Variants in AP2A1 observed in about 807,000 individuals in gnomAD.
AP2A1 encodes adaptor related protein complex 2 subunit alpha 1.
Under a neutral mutation model 107.3 loss-of-function variants are expected in AP2A1, and 21 were observed. The observed-to-expected ratio is 0.20, with a 90% CI of 0.14 to 0.28. AP2A1 has a LOEUF of 0.28. AP2A1 is among the 10% of genes least tolerant of loss of function. AP2A1 has a pLI of 1.00. For missense variants in AP2A1, 873 were observed against 1,307.7 expected, an observed-to-expected ratio of 0.67 and a Z score of 5.13; for synonymous variants, 602 against 564.8, an observed-to-expected ratio of 1.07 and a Z score of -0.93.
rs1157562340 is a variant in AP2A1 at position 49,801,639 on chromosome 19, C to T, written c.1785+18C>T. ...ACGTCCTGGTCAGAGCCCTGTCCCC[C>T]CACCCCACCCCTCTTGCACACCCCC... On this transcript the variant is annotated intron_variant, in intron 13 of 22. Coordinates refer to ENST00000354293, the MANE Select transcript of AP2A1 (RefSeq NM_130787.3). The T allele has an allele frequency of 6.4e-7, 1 of 1,569,100 alleles. No homozygotes were observed. Among genetic ancestry groups the T allele is most frequent in the Non-Finnish European group, 8.7e-7 (1 of 1,155,316 alleles).
At chr19:49,806,432 C>T (rs1003635913) in intron 22 of AP2A1, 179 bp downstream of exon 22, 1 of 1,435,992 alleles carries the variant, frequency 7.0e-7, no homozygotes, top group Non-Finnish European at 9.1e-7. Context: ...TCTCCAACCT[C>T]TGGTGTTCCT....
Position 49,801,634 on chromosome 19 carries a change from T to TCCCCCCCCCCCC in AP2A1, c.1785+19_1785+20insCCCCCCCCCCCC. On this transcript the variant is annotated intron_variant, in intron 13 of 22. Transcript: ENST00000354293. ...CACCGACGTCCTGGTCAGAGCCCTG[T>TCCCCCCCCCCCC]CCCCCCACCCCACCCCTCTTGCACA... is the stretch of plus-strand genomic sequence containing the variant. 6.7e-7 allele frequency: 1 copy of TCCCCCCCCCCCC among 1,482,290 alleles called. No individual in the cohort carries two copies. The highest frequency in any genetic ancestry group is 9.3e-7 in the Non-Finnish European group (1 of 1,076,942). 91.8% of individuals were successfully genotyped at this position (1,482,290 alleles called of 1,614,324 possible).
intron 4 of AP2A1, among the ~76,000 whole-genome samples, chr19:49,789,697 G>A (rs2073118703): frequency 6.7e-6 from 1 of 149,376 alleles, no homozygotes; most frequent in Non-Finnish European, 1.5e-5. Context: ...GCCTCCCAAA[G>A]TGTTGGGATT....
chr19:49,799,871 T>G lies in AP2A1; in HGVS notation c.1273-97T>G, dbSNP rs1295746700. ...GAGGAGGGGCTGGGGCCTGGACTCCTGGGTCTCCAGATGGGGGCAGTGGTG... is the reference window on the plus strand; with the variant it reads ...GAGGAGGGGCTGGGGCCTGGACTCCGGGGTCTCCAGATGGGGGCAGTGGTG... On this transcript the variant is annotated intron_variant, in intron 10 of 22. Coordinates refer to ENST00000354293, the MANE Select transcript of AP2A1 (RefSeq NM_130787.3). 7.0e-6 allele frequency: 11 copies of G among 1,563,120 alleles called. No individual in the cohort carries two copies. The East Asian group carries it at 2.5e-4, about 36-fold the overall frequency.
At position 49,801,327 on chromosome 19, in the gene AP2A1, C is replaced by T. The variant is rs551427400; in HGVS notation, c.1554-63C>T. The stretch of plus-strand genomic sequence containing the variant: ...GTCCATCCTAGGGAGGGGCACCTCT[C>T]GAGGGGGTTTCTGGGAGAGGGCAGT... On this transcript the variant is annotated intron_variant, in intron 12 of 22. Coordinates refer to ENST00000354293, the MANE Select transcript of AP2A1 (RefSeq NM_130787.3). 1.2e-4 allele frequency: 189 copies of T among 1,516,740 alleles called. No homozygotes were observed. The East Asian group carries it at 2.0e-3, about 16-fold the overall frequency. 94.0% of individuals were successfully genotyped at this position (1,516,740 alleles called of 1,614,324 possible).
Position 49,805,637 on chromosome 19 carries a change from G to T in AP2A1, c.2469-24G>T, listed in dbSNP as rs554038633. 1.9e-6 allele frequency: 3 copies of T among 1,553,648 alleles called. No individual in the cohort carries two copies. The African/African-American group carries it at 4.1e-5, about 21-fold the overall frequency. On this transcript the variant is annotated intron_variant, in intron 19 of 22. Coordinates refer to ENST00000354293, the MANE Select transcript of AP2A1 (RefSeq NM_130787.3). ...TCCGGGGTGAGGGGCGGGGCCTAAT[G>T]GAGCCTCCCTTTCACCTCATCAGGT...
chr19:49,782,584 C>T lies in AP2A1; in HGVS notation c.333C>T (p.Leu111=). The change falls in exon 4 of 23, where the codon CTC becomes CTT. Residue 111 remains leucine (L), a synonymous_variant. Transcript: ENST00000354293. ...LVNSNSELIR[L]INNAIKNDLA... ...ACTCGAACTCGGAGCTGATCCGCCT[C>T]ATCAACAACGCCATCAAGAATGACC... is the stretch of plus-strand genomic sequence containing the variant. 1 of 1,613,922 alleles carries T rather than the reference C, an allele frequency of 6.2e-7. No individual in the cohort carries two copies. The highest frequency in any genetic ancestry group is 8.5e-7 in the Non-Finnish European group (1 of 1,179,840).
intron 6 of AP2A1, among the ~76,000 whole-genome samples, chr19:49,793,779 G>A (rs562304594): frequency 6.6e-6 from 1 of 152,230 alleles, no homozygotes; most frequent in East Asian, 1.9e-4. Flanking sequence ...CTTCCTGGGG[G>A]CGGCGATCCC....
At chr19:49,799,522 G>T in intron 9 of AP2A1, 27 bp downstream of exon 9, 11 of 1,606,908 alleles carry the variant, frequency 6.8e-6, no homozygotes, top group Non-Finnish European at 9.3e-6. Flanking sequence ...CCCACCCCGG[G>T]CCTGCCACCC....
intron 1 of AP2A1, among the ~76,000 whole-genome samples, chr19:49,780,619 CT>C (rs760268997): frequency 3.9e-5 from 6 of 152,116 alleles, no homozygotes; most frequent in Admixed American, 6.5e-5. Context: ...GGCAAGAAGG[CT>C]GGAGGGGAGG....
chr19:49,782,199 C>T (rs1421183592), intron 3 of AP2A1, 110 bp downstream of exon 3: 2 of 838,872 alleles, frequency 2.4e-6, no homozygotes, highest in Non-Finnish European at 3.4e-6. Flanking sequence ...GGGGTCTGGA[C>T]TCCTGGGTAT....
intron 1 of AP2A1, among the ~76,000 whole-genome samples, chr19:49,769,642 A>G (rs2084537491): frequency 6.6e-6 from 1 of 152,094 alleles, no homozygotes. Flanking sequence ...GGATCGGGAA[A>G]GGCTTTCTGG....
At chr19:49,771,334 C>A (rs1439536437) in intron 1 of AP2A1, among the ~76,000 whole-genome samples, 1 of 147,930 alleles carries the variant, frequency 6.8e-6, no homozygotes, top group Non-Finnish European at 1.5e-5. Context: ...AAAGAAAGGT[C>A]CTGGAATTCG....
At position 49,805,431 on chromosome 19, in the gene AP2A1, T is replaced by C. The variant is rs1357408282; in HGVS notation, c.2345-22T>C. On this transcript the variant is annotated intron_variant, in intron 18 of 22. Coordinates refer to ENST00000354293, the MANE Select transcript of AP2A1 (RefSeq NM_130787.3). ...CGGGGGCCCACCTCCTCTGTCTGGC[T>C]TCCTTGACTCCTGGCGGGCACAGCT... 3 of 1,522,682 alleles carry C rather than the reference T, an allele frequency of 2.0e-6. No individual in the cohort carries two copies. The Admixed American group carries it at 6.2e-5, about 32-fold the overall frequency. The allele number at this position is 1,522,682 out of a possible 1,614,324, so 94.3% of individuals were successfully genotyped here.
chr19:49,801,634 T>TGCCCCCCCCCCCCCCCCCCCATGCAACA lies in AP2A1; in HGVS notation c.1785+13_1785+14insGCCCCCCCCCCCCCCCCCCCATGCAACA. On this transcript the variant is annotated intron_variant, in intron 13 of 22. Transcript: ENST00000354293. ...CACCGACGTCCTGGTCAGAGCCCTGTCCCCCCACCCCACCCCTCTTGCACA... is the reference window on the plus strand; with the variant it reads ...CACCGACGTCCTGGTCAGAGCCCTGTGCCCCCCCCCCCCCCCCCCCATGCAACACCCCCCACCCCACCCCTCTTGCACA... 1 of 1,482,302 alleles carries TGCCCCCCCCCCCCCCCCCCCATGCAACA rather than the reference T, an allele frequency of 6.7e-7. No homozygotes were observed. The highest frequency in any genetic ancestry group is 1.4e-5 in the African/African-American group (1 of 69,500). 91.8% of individuals were successfully genotyped at this position (1,482,302 alleles called of 1,614,324 possible). A position where few individuals can be genotyped will look rare whatever the true frequency, so the allele number is the denominator to read the frequency against.
intron 15 of AP2A1, chr19:49,802,354 C>T: frequency 1.2e-6 from 1 of 861,324 alleles, no homozygotes; most frequent in Non-Finnish European, 1.9e-6. Context: ...CCGACCCTGG[C>T]CACCCTTCGT....
chr19:49,769,768 G>C (rs2084538563), intron 1 of AP2A1, among the ~76,000 whole-genome samples: 1 of 152,204 alleles, frequency 6.6e-6, no homozygotes, highest in Non-Finnish European at 1.5e-5. Context: ...AGATTCTAGA[G>C]GTAGCCATGG....
chr19:49,789,191 C>A (rs1048198643), intron 4 of AP2A1, among the ~76,000 whole-genome samples: 4 of 152,144 alleles, frequency 2.6e-5, no homozygotes, highest in African/African-American at 9.7e-5. Context: ...CTGTTGGGTG[C>A]TTTCTGGGAA....
rs1332114058 is a variant in AP2A1 at position 49,801,620 on chromosome 19, T to A, written c.1784T>A (p.Leu595Gln). 6.2e-7 allele frequency: 1 copy of A among 1,607,622 alleles called. No individual in the cohort carries two copies. The highest frequency in any genetic ancestry group is 8.5e-7 in the Non-Finnish European group (1 of 1,176,946). Residue 595 changes from leucine (L) to glutamine (Q), a missense_variant and splice_region_variant, in exon 13 of 23, where the codon CTG (leucine) becomes CAG (glutamine). By Grantham distance (113) the Leu-to-Gln change is moderately radical. This residue lies in a region of AP2A1 where 213 missense variants were observed against 443.5 expected (regional missense o/e 0.48). Transcript: ENST00000354293. Reference protein sequence around the residue: ...TLSSVASTDVLATVLEEMPPF... With the variant: ...TLSSVASTDVQATVLEEMPPF... ...AGCTCAGTGGCCAGCACCGACGTCC[T>A]GGTCAGAGCCCTGTCCCCCCACCCC... is the stretch of plus-strand genomic sequence containing the variant.
Sources: allele counts gnomAD v4.1 joint callset (sites outside exome capture counted in the v4.1 genomes callset), GRCh38; gene constraint gnomAD v4.1.1; regional missense constraint gnomAD v4.1.1; transcripts MANE v1.5; gene names NCBI Gene and HGNC (gene_info 2026-07-23, HGNC 2026-07-21).